The following PPFIA1 variants were observed in gnomAD, a reference collection of about 807,000 sequenced individuals.
PPFIA1 encodes PPFI scaffold protein A1, also known as liprin-alpha-1.
In PPFIA1, 25 loss-of-function variants were observed where a neutral mutation model predicts 149.9. The ratio of observed to expected loss-of-function variants is 0.17; its 90% CI spans 0.12 to 0.23. The LOEUF (loss-of-function observed/expected upper bound fraction) is 0.23, where lower values mean the gene tolerates loss of function less well. Ranked by LOEUF, PPFIA1 falls within the 10% of genes least tolerant of loss-of-function variation. The pLI is 1.00. For synonymous variants in PPFIA1, 549 were observed against 552.8 expected (o/e 0.99, Z 0.10); for missense variants, 1,362 against 1,506.5 (o/e 0.90, Z 1.59).
At chr11:70,346,808 G>A (rs2055729682) in intron 15 of PPFIA1, among the ~76,000 whole-genome samples, 1 of 152,140 alleles carries the variant, frequency 6.6e-6, no homozygotes. Context: ...TGATCAAAAA[G>A]CACTTTTCTT....
intron 25 of PPFIA1, 22 bp downstream of exon 25, chr11:70,376,622 C>G (rs1165986273): frequency 2.6e-6 from 4 of 1,550,122 alleles, no homozygotes; most frequent in African/African-American, 1.4e-5. Flanking sequence ...GCCTAATGTT[C>G]TTTAAATGTC....
At chr11:70,325,697 C>T (rs913786985) in intron 5 of PPFIA1, 123 bp downstream of exon 5, 22 of 679,430 alleles carry the variant, frequency 3.2e-5, no homozygotes, top group Middle Eastern at 4.3e-4. Context: ...TTTGGGAGAC[C>T]GAGGCGGGCG....
In PPFIA1 at chr11:70,384,129, A is replaced by T. The variant is rs537816329; in HGVS notation, c.*1139A>T. 7 of 152,248 alleles carry T rather than the reference A, an allele frequency of 4.6e-5. No homozygotes were observed. Among genetic ancestry groups the T allele is most frequent in the African/African-American group, 1.4e-4 (6 of 41,464 alleles). The allele number at this position is 152,248 out of a possible 1,614,324, so 9.4% of individuals were successfully genotyped here. A position where few individuals can be genotyped will look rare whatever the true frequency, so the allele number is the denominator to read the frequency against. The stretch of plus-strand genomic sequence containing the variant: ...ATGTGGCTTTTACTTTTTAAATGGC[A>T]TATTAACAAGCCAGCAAAGTGTGTC... On this transcript the variant is annotated 3_prime_UTR_variant, in exon 28 of 28. Transcript: ENST00000253925.
intron 26 of PPFIA1, chr11:70,381,386 T>C (rs566466949): frequency 1.7e-4 from 26 of 152,316 alleles, no homozygotes; most frequent in Admixed American, 4.6e-4. Flanking sequence ...ATGGCCACAC[T>C]GTGTTTCTTG....
At chr11:70,347,223 G>A (rs936072879) in intron 15 of PPFIA1, among the ~76,000 whole-genome samples, 5 of 152,094 alleles carry the variant, frequency 3.3e-5, no homozygotes, top group African/African-American at 1.2e-4. Flanking sequence ...GGGGAGATAA[G>A]GGTCATAAAA....
At chr11:70,335,795 T>C in intron 11 of PPFIA1, 101 bp downstream of exon 11, 1 of 1,344,792 alleles carries the variant, frequency 7.4e-7, no homozygotes, top group Non-Finnish European at 1.0e-6. Flanking sequence ...TTAGCAGCTG[T>C]TACCGAAAAT....
intron 2 of PPFIA1, among the ~76,000 whole-genome samples, chr11:70,282,953 C>G (rs1162214840): frequency 6.6e-6 from 1 of 151,356 alleles, no homozygotes; most frequent in Non-Finnish European, 1.5e-5. Context: ...GATTCTCTTG[C>G]CTCAGCCTCC....
intron 2 of PPFIA1, among the ~76,000 whole-genome samples, chr11:70,294,062 G>C (rs932280279): frequency 6.6e-6 from 1 of 150,822 alleles, no homozygotes; most frequent in Non-Finnish European, 1.5e-5. Flanking sequence ...TCAGCCTCTC[G>C]AGTAGCTGGG....
intron 21 of PPFIA1, among the ~76,000 whole-genome samples, chr11:70,363,921 C>CA (rs2056791771): frequency 6.6e-6 from 1 of 150,528 alleles, no homozygotes; most frequent in Non-Finnish European, 1.5e-5. Context: ...AGATGGGTCT[C>CA]ACTTTGTTGC....
At chr11:70,284,223 C>T (rs2050953914) in intron 2 of PPFIA1, among the ~76,000 whole-genome samples, 1 of 152,206 alleles carries the variant, frequency 6.6e-6, no homozygotes, top group Non-Finnish European at 1.5e-5. Flanking sequence ...GGTGCCCCCT[C>T]ATCTGCTTTA....
chr11:70,347,616 G>T (rs568587845), intron 15 of PPFIA1, among the ~76,000 whole-genome samples: 1 of 152,214 alleles, frequency 6.6e-6, no homozygotes, highest in Non-Finnish European at 1.5e-5. Flanking sequence ...TGAGGCAGGA[G>T]GATCCCTTGA....
Position 70,343,848 on chromosome 11 carries a change from C to T in PPFIA1, c.1887C>T (p.Ala629=), listed in dbSNP as rs762795108. 4 of 1,613,990 alleles carry T rather than the reference C, an allele frequency of 2.5e-6. No homozygotes were observed. Among genetic ancestry groups the T allele is most frequent in the African/African-American group, 2.7e-5 (2 of 74,922 alleles). The change falls in exon 15 of 28, where the codon GCC becomes GCT. Residue 629 remains alanine (A), a synonymous_variant. Transcript: ENST00000253925. ...GGCAGGCCGACGCGCACACACTAGC[C>T]ATGATGCTTCAGGAGCAGCTGGACG... The part of the protein sequence containing the change: ...PSGQADAHTL[A]MMLQEQLDAI...
At chr11:70,351,659 G>T (rs757606731) in intron 16 of PPFIA1, among the ~76,000 whole-genome samples, 3 of 152,078 alleles carry the variant, frequency 2.0e-5, no homozygotes, top group Admixed American at 6.5e-5. Context: ...TTGGGTTTGG[G>T]ATGCTCAACC....
At chr11:70,373,171 C>T (rs137908978) in intron 23 of PPFIA1, among the ~76,000 whole-genome samples, 6 of 152,134 alleles carry the variant, frequency 3.9e-5, no homozygotes, top group East Asian at 1.9e-4. Flanking sequence ...TTCTCTTCTC[C>T]GTTGGGGAGT....
At position 70,324,410 on chromosome 11, in the gene PPFIA1, A is replaced by C. The variant is rs532532963; in HGVS notation, c.273A>C (p.Ala91=). 5.0e-6 allele frequency: 8 copies of C among 1,606,448 alleles called. No individual in the cohort carries two copies. Among genetic ancestry groups the C allele is most frequent in the Admixed American group, 1.7e-5 (1 of 58,534 alleles). The part of the protein sequence containing the change: ...QLNTALPQEF[A]ALTKELNVCR... The stretch of plus-strand genomic sequence containing the variant: ...GTTTTGTGATTTTCTAGGAGTTCGC[A>C]GCACTTACTAAAGAACTCAATGTAT... The change falls in exon 3 of 28, where the codon GCA becomes GCC. Residue 91 remains alanine (A), a synonymous_variant. Coordinates refer to ENST00000253925, the MANE Select transcript of PPFIA1 (RefSeq NM_003626.5).
chr11:70,376,180 G>C (rs891816360), intron 24 of PPFIA1, among the ~76,000 whole-genome samples: 3 of 152,172 alleles, frequency 2.0e-5, no homozygotes, highest in African/African-American at 7.2e-5. Context: ...GTATAGATGG[G>C]ATTTCACCAT....
At position 70,277,060 on chromosome 11, in the gene PPFIA1, A is replaced by ATATATATATATATATATTT; in HGVS notation, c.264+4625_264+4626insATATATATATATATATTTT. On this transcript the variant is annotated intron_variant, in intron 2 of 27. Transcript: ENST00000253925. ...GAGATATATATATATATATATATAT[A>ATATATATATATATATATTT]TTTTTTTTTTTCCAGGCACAGTCTC... Among the ~76,000 whole-genome samples the ATATATATATATATATATTT allele has an allele frequency of 1.7e-3, 111 of 66,308 alleles. 1 individual carries two copies. Among genetic ancestry groups the ATATATATATATATATATTT allele is most frequent in the African/African-American group, 0.012 (99 of 8,532 alleles). The allele number at this position is 66,308 out of a possible 152,430, so 43.5% of individuals were successfully genotyped here. A position where few individuals can be genotyped will look rare whatever the true frequency, so the allele number is the denominator to read the frequency against.
At chr11:70,316,179 C>T (rs539146798) in intron 2 of PPFIA1, among the ~76,000 whole-genome samples, 1 of 152,252 alleles carries the variant, frequency 6.6e-6, no homozygotes, top group South Asian at 2.1e-4. Flanking sequence ...TCAAGTGATT[C>T]TCATGCCTCA....
intron 2 of PPFIA1, among the ~76,000 whole-genome samples, chr11:70,287,631 T>A (rs934511243): frequency 2.0e-5 from 3 of 151,536 alleles, no homozygotes; most frequent in Admixed American, 2.0e-4. Context: ...ACCCGGCCTT[T>A]TTTTTTTGTT....
Sources: gnomAD v4.1 joint callset for allele counts (sites outside exome capture counted in the v4.1 genomes callset) on GRCh38, gnomAD v4.1.1 for gene constraint, MANE v1.5 for transcripts, NCBI Gene and HGNC (gene_info 2026-07-23, HGNC 2026-07-21) for gene names.